Variants in LRIG3 observed in about 807,000 individuals in gnomAD.
LRIG3 encodes the protein leucine rich repeats and immunoglobulin like domains 3.
A neutral mutation model predicts 114.5 loss-of-function variants in LRIG3; 76 were observed. The observed-to-expected ratio is 0.66, with a 90% confidence interval of 0.55 to 0.80. The LOEUF (loss-of-function observed/expected upper bound fraction) is 0.80, where lower values mean the gene tolerates loss of function less well. Among genes scored for constraint, LRIG3 ranks in the 30% least tolerant of loss-of-function variants. LRIG3 has a pLI of 0.00. For missense variants in LRIG3, 1,239 were observed against 1,382.8 expected (o/e 0.90, Z 1.65); for synonymous variants, 512 against 519.8 (o/e 0.98, Z 0.20).
At chr12:58,887,709 A>G (rs540315248) in intron 8 of LRIG3, 80 bp downstream of exon 8, 1 of 1,496,494 alleles carries the variant, frequency 6.7e-7, no homozygotes, top group South Asian at 1.2e-5. Context: ...CTTGACAACA[A>G]AGGAAATCTG....
At chr12:58,875,138 G>C (rs1159989505) in intron 16 of LRIG3, among the ~76,000 whole-genome samples, 1 of 152,214 alleles carries the variant, frequency 6.6e-6, no homozygotes, top group Non-Finnish European at 1.5e-5. Flanking sequence ...CAAATATGCA[G>C]AACGTGACAC....
chr12:58,908,012 T>C lies in LRIG3; in HGVS notation c.383+5970A>G, dbSNP rs538011413. Among the ~76,000 whole-genome samples, 5 of 152,310 alleles carry C rather than the reference T, an allele frequency of 3.3e-5. No individual in the cohort carries two copies. In the South Asian group the frequency reaches 1.0e-3, roughly 32 times the overall value. ...CATCCTTGGGATTCTACAATAACTA[T>C]AGTTAATGACATACAAATTGCCAAT... is the stretch of plus-strand genomic sequence containing the variant. On this transcript the variant is annotated intron_variant, in intron 3 of 18. Transcript: ENST00000320743.
intron 10 of LRIG3, 83 bp from the exon 11 acceptor site, chr12:58,883,674 A>C: frequency 3.2e-6 from 3 of 935,908 alleles, no homozygotes. Flanking sequence ...CCCACTGCCC[A>C]CCCCATTTGC....
chr12:58,911,633 T>C (rs1872276882), intron 3 of LRIG3, among the ~76,000 whole-genome samples: 1 of 152,226 alleles, frequency 6.6e-6, no homozygotes, highest in South Asian at 2.1e-4. Context: ...TACAGCAAGT[T>C]TTCAATCTGT....
chr12:58,883,706 T>C, intron 10 of LRIG3, 115 bp from the exon 11 acceptor site: 1 of 570,888 alleles, frequency 1.8e-6, no homozygotes, highest in Non-Finnish European at 3.0e-6. Flanking sequence ...TCCCTCTATG[T>C]GTCAAATACA....
rs1055206982 is a variant in LRIG3 at position 58,883,030 on chromosome 12, T to C, written c.1319A>G (p.His440Arg). Residue 440 changes from histidine (H) to arginine (R), a missense_variant and splice_region_variant, in exon 12 of 19, where the codon CAT becomes CGT. Coordinates refer to ENST00000320743, the MANE Select transcript of LRIG3 (RefSeq NM_153377.5). ...GCACAAAAGGCTTGATGTATTTAAATGCCTGAGGAGAGTAATTACATTCAA... is the reference window on the plus strand; with the variant it reads ...GCACAAAAGGCTTGATGTATTTAAACGCCTGAGGAGAGTAATTACATTCAA... ...FSQMKKLQQL[H>R]LNTSSLLCDC... is the part of the protein sequence containing the mutation. 19 of 1,609,224 alleles carry C rather than the reference T, an allele frequency of 1.2e-5. No homozygotes were observed. Among genetic ancestry groups the C allele is most frequent in the Non-Finnish European group, 1.6e-5 (19 of 1,177,356 alleles).
intron 3 of LRIG3, among the ~76,000 whole-genome samples, chr12:58,898,684 G>C (rs1871732264): frequency 6.6e-6 from 1 of 151,926 alleles, no homozygotes; most frequent in African/African-American, 2.4e-5. Flanking sequence ...TCTTGAGACG[G>C]AGTCTGGCTC....
At chr12:58,894,732 C>A (rs990251914) in intron 3 of LRIG3, among the ~76,000 whole-genome samples, 1 of 152,192 alleles carries the variant, frequency 6.6e-6, no homozygotes. Flanking sequence ...ACTCTGAATA[C>A]CTTTTTCCAT....
intron 1 of LRIG3, chr12:58,919,428 G>T: frequency 6.4e-7 from 1 of 1,551,616 alleles, no homozygotes; most frequent in East Asian, 2.4e-5. Flanking sequence ...GGAACTTACG[G>T]TCTGCTAATG....
At chr12:58,875,585 T>G (rs1399823335) in intron 16 of LRIG3, among the ~76,000 whole-genome samples, 1 of 152,222 alleles carries the variant, frequency 6.6e-6, no homozygotes, top group Admixed American at 6.5e-5. Context: ...GTTTTCCATC[T>G]TCATTTCATT....
chr12:58,919,017 A>C (rs1872575460), intron 1 of LRIG3, among the ~76,000 whole-genome samples: 1 of 152,230 alleles, frequency 6.6e-6, no homozygotes, highest in Non-Finnish European at 1.5e-5. Context: ...TAAAATTTTC[A>C]TTGCAATTCT....
At chr12:58,886,653 C>G (rs760332412) in intron 9 of LRIG3, among the ~76,000 whole-genome samples, 157 bp downstream of exon 9, 1 of 152,106 alleles carries the variant, frequency 6.6e-6, no homozygotes, top group Non-Finnish European at 1.5e-5. Flanking sequence ...ATACATCTTG[C>G]GCAACAGCAG....
Position 58,872,628 on chromosome 12 carries a change from G to A in LRIG3, c.3304C>T (p.Gln1102Ter), listed in dbSNP as rs892361667. The A allele has an allele frequency of 6.8e-6, 11 of 1,613,942 alleles. No individual in the cohort carries two copies. Among genetic ancestry groups the A allele is most frequent in the African/African-American group, 2.7e-5 (2 of 74,940 alleles). ...QEENHICTFK[Q>*]TLENYRTPNF... ...GGAGTCCTGTAGTTTTCTAAAGTCT[G>A]TTTAAAGGTACAAATGTGATTTTCT... Residue 1102 changes from glutamine (Q) to a stop codon, truncating the protein, a stop_gained, in exon 19 of 19, where the codon CAG becomes TAG. Transcript: ENST00000320743. LOFTEE classifies it high-confidence loss of function.
intron 3 of LRIG3, among the ~76,000 whole-genome samples, chr12:58,912,306 C>T (rs552942105): frequency 4.6e-5 from 7 of 152,232 alleles, no homozygotes; most frequent in Non-Finnish European, 1.0e-4. Context: ...ACCATCCTGG[C>T]TAACACGGTG....
At chr12:58,913,952 A>G in intron 3 of LRIG3, 30 bp downstream of exon 3, 1 of 1,586,458 alleles carries the variant, frequency 6.3e-7, no homozygotes, top group Non-Finnish European at 8.6e-7. Flanking sequence ...CTGCAAACAT[A>G]CATGAGGAAT....
intron 10 of LRIG3, 126 bp from the exon 11 acceptor site, chr12:58,883,717 T>A: frequency 1.9e-6 from 1 of 513,768 alleles, no homozygotes. Flanking sequence ...GTCAAATACA[T>A]GACTGGGGCA....
At chr12:58,890,515 TG>T in intron 4 of LRIG3, 149 bp downstream of exon 4, 1 of 643,304 alleles carries the variant, frequency 1.6e-6, no homozygotes, top group African/African-American at 1.9e-5. Context: ...CTGAAGATTG[TG>T]GTCATTCGAG....
chr12:58,872,953 C>T, intron 18 of LRIG3, 137 bp from the exon 19 acceptor site: 1 of 1,146,702 alleles, frequency 8.7e-7, no homozygotes, highest in East Asian at 2.4e-5. Context: ...ATGGCACTCA[C>T]ATACATGTAC....
At chr12:58,911,317 AC>A (rs1872267712) in intron 3 of LRIG3, among the ~76,000 whole-genome samples, 1 of 152,172 alleles carries the variant, frequency 6.6e-6, no homozygotes, top group African/African-American at 2.4e-5. Flanking sequence ...CTAAGAGAAG[AC>A]AAAAGTCTCA....
Sources: allele counts gnomAD v4.1 joint callset (sites outside exome capture counted in the v4.1 genomes callset), GRCh38; gene constraint gnomAD v4.1.1; transcripts MANE v1.5; gene names NCBI Gene and HGNC (gene_info 2026-07-23, HGNC 2026-07-21).